The following JHY variants were observed in gnomAD, a reference collection of about 807,000 sequenced individuals.
The protein encoded by JHY is jhy protein homolog.
Under a neutral mutation model 78.0 loss-of-function variants are expected in JHY, and 69 were observed. The ratio of observed to expected loss-of-function variants is 0.88; its 90% CI spans 0.73 to 1.08. The LOEUF is 1.08. Among genes scored for constraint, JHY ranks in the 50% least tolerant of loss-of-function variants. JHY has a pLI of 0.00. For synonymous variants in JHY, 368 were observed against 342.6 expected, an observed-to-expected ratio of 1.07 and a Z score of -0.82; for missense variants, 944 against 927.8, an observed-to-expected ratio of 1.02 and a Z score of -0.23.
chr11:122,919,116 G>A (rs904563788), intron 3 of JHY, among the ~76,000 whole-genome samples: 1 of 151,838 alleles, frequency 6.6e-6, no homozygotes, highest in Non-Finnish European at 1.5e-5. Context: ...ACTTTGGAAG[G>A]CTCAGGTGGC....
chr11:122,956,651 C>A, intron 7 of JHY, 75 bp downstream of exon 7: 2 of 1,243,702 alleles, frequency 1.6e-6, no homozygotes, highest in African/African-American at 1.5e-5. Context: ...TATGAAGACG[C>A]CCCCCAGAAT....
At chr11:122,946,943 C>T in intron 6 of JHY, 151 bp downstream of exon 6, 1 of 816,440 alleles carries the variant, frequency 1.2e-6, no homozygotes, top group Non-Finnish European at 1.8e-6. Context: ...CTTACTCCTG[C>T]CCCTGCTACT....
At chr11:122,895,274 T>C (rs973044570) in intron 2 of JHY, among the ~76,000 whole-genome samples, 4 of 152,236 alleles carry the variant, frequency 2.6e-5, no homozygotes, top group South Asian at 4.2e-4. Context: ...AAATCAATAA[T>C]AACATGTGCA....
At chr11:122,959,112 C>A in intron 8 of JHY, 136 bp from the exon 9 acceptor site, 2 of 1,372,116 alleles carry the variant, frequency 1.5e-6, no homozygotes, top group Non-Finnish European at 1.9e-6. Context: ...ATTGTTTGAT[C>A]TCCATTTCCA....
In JHY at chr11:122,916,549, A is replaced by G. The variant is rs77786044; in HGVS notation, c.865-8348A>G. Among the ~76,000 whole-genome samples, 370 of 152,334 alleles carry G rather than the reference A, an allele frequency of 2.4e-3. 1 individual carries two copies. The highest frequency in any genetic ancestry group is 8.5e-3 in the African/African-American group (353 of 41,576). ...TTTGCAGTTTTGATTTCTTGATAGC[A>G]AAGTACAAACTTAAAAAACCTTAAG... On this transcript the variant is annotated intron_variant, in intron 3 of 8. Coordinates refer to ENST00000227349, the MANE Select transcript of JHY (RefSeq NM_024806.4).
chr11:122,908,938 A>G (rs1030466704), intron 3 of JHY, among the ~76,000 whole-genome samples: 1 of 152,208 alleles, frequency 6.6e-6, no homozygotes, highest in Non-Finnish European at 1.5e-5. Flanking sequence ...TCCAAGGAAG[A>G]ATACACAAAA....
intron 2 of JHY, among the ~76,000 whole-genome samples, chr11:122,887,764 G>A (rs1249891164): frequency 3.9e-5 from 6 of 152,116 alleles, no homozygotes; most frequent in Non-Finnish European, 7.4e-5. Context: ...ACATTAGGGA[G>A]CCCAGCTGGA....
intron 4 of JHY, among the ~76,000 whole-genome samples, chr11:122,929,076 T>C (rs1222879954): frequency 6.6e-6 from 1 of 151,768 alleles, no homozygotes; most frequent in Non-Finnish European, 1.5e-5. Flanking sequence ...TACAGGCATG[T>C]GCCACCACGC....
In JHY at chr11:122,935,131, A is replaced by T. The variant is rs771611018; in HGVS notation, c.1634+56A>T. ...TAGAGGAGAAAGGAGAGACTGCTGC[A>T]GAAAGACGGGAGAGGAAGAAGGGGA... On this transcript the variant is annotated intron_variant, in intron 5 of 8. Coordinates refer to ENST00000227349, the MANE Select transcript of JHY (RefSeq NM_024806.4). The surrounding 1 kb of genome is among the most constrained non-coding windows in gnomAD (Gnocchi z 4.5). 6.9e-7 allele frequency: 1 copy of T among 1,442,492 alleles called. No individual in the cohort carries two copies. Among genetic ancestry groups the T allele is most frequent in the South Asian group, 1.5e-5 (1 of 68,602 alleles). The allele number at this position is 1,442,492 out of a possible 1,614,324, so 89.4% of individuals were successfully genotyped here. A position where few individuals can be genotyped will look rare whatever the true frequency, so the allele number is the denominator to read the frequency against.
chr11:122,913,405 A>G (rs999101228), intron 3 of JHY, among the ~76,000 whole-genome samples: 6 of 152,198 alleles, frequency 3.9e-5, no homozygotes, highest in Non-Finnish European at 1.5e-5. Context: ...AACATTGCTT[A>G]ATGTGACGCC....
intron 4 of JHY, among the ~76,000 whole-genome samples, chr11:122,932,257 A>G (rs1286711740): frequency 2.6e-5 from 4 of 152,170 alleles, no homozygotes; most frequent in Non-Finnish European, 5.9e-5. Flanking sequence ...TCAAGCCCAT[A>G]AATGGCTTCC....
rs1347749900 is a variant in JHY at position 122,917,926 on chromosome 11, A to C, written c.865-6971A>C. 6.6e-6 allele frequency among the ~76,000 whole-genome samples: 1 copy of C among 151,828 alleles called. No individual in the cohort carries two copies. Among genetic ancestry groups the C allele is most frequent in the Non-Finnish European group, 1.5e-5 (1 of 68,034 alleles). ...ACTTATTTATTTATTTTGGAGACAC[A>C]GTCTCACTCTGTCACCCAGGTTGGA... On this transcript the variant is annotated intron_variant, in intron 3 of 8. Coordinates refer to ENST00000227349, the MANE Select transcript of JHY (RefSeq NM_024806.4). The surrounding 1 kb of genome is among the most constrained non-coding windows in gnomAD (Gnocchi z 4.1).
intron 3 of JHY, among the ~76,000 whole-genome samples, chr11:122,916,911 G>A (rs1002786882): frequency 1.3e-5 from 2 of 152,234 alleles, no homozygotes; most frequent in Admixed American, 6.5e-5. Context: ...ATACAGGCAT[G>A]AGCTACTGCA....
chr11:122,918,293 C>T (rs1054253578), intron 3 of JHY, among the ~76,000 whole-genome samples: 1 of 151,406 alleles, frequency 6.6e-6, no homozygotes, highest in African/African-American at 2.5e-5. Flanking sequence ...AAATCCCAGG[C>T]CTCCTGAGGA....
In JHY at chr11:122,924,908, C is replaced by G; in HGVS notation, c.876C>G (p.Pro292=). The change falls in exon 4 of 9, where the codon CCC becomes CCG. Residue 292 remains proline, a synonymous_variant. Coordinates refer to ENST00000227349, the MANE Select transcript of JHY (RefSeq NM_024806.4). The part of the protein sequence containing the change: ...GESHPEQISY[P]VRVTDKTSIQ... ...TTTTACCTACCTAGATCTCCTACCC[C>G]GTCAGAGTAACAGACAAGACGTCTA... 2 of 1,613,090 alleles carry G rather than the reference C, an allele frequency of 1.2e-6. No homozygotes were observed. The highest frequency in any genetic ancestry group is 1.7e-6 in the Non-Finnish European group (2 of 1,179,220).
chr11:122,921,338 A>G (rs1256004060), intron 3 of JHY, among the ~76,000 whole-genome samples: 2 of 152,258 alleles, frequency 1.3e-5, no homozygotes, highest in Non-Finnish European at 2.9e-5. Context: ...TATTTCTTAG[A>G]CACTTACAAA....
chr11:122,934,504 C>T lies in JHY; in HGVS notation c.1063C>T (p.His355Tyr), dbSNP rs1565328451. 1 of 1,613,800 alleles carries T rather than the reference C, an allele frequency of 6.2e-7. No homozygotes were observed. The highest frequency in any genetic ancestry group is 2.2e-5 in the East Asian group (1 of 44,840). The change falls in exon 5 of 9, where the codon CAT becomes TAT. Residue 355 changes from histidine to tyrosine, a missense_variant. Coordinates refer to ENST00000227349, the MANE Select transcript of JHY (RefSeq NM_024806.4). ...GCAACCTTCTGACATGGTGAATGAC[C>T]ATCAACCTTCCAGAAGACCAGCCAA... The part of the protein sequence containing the change: ...RGQPSDMVND[H>Y]QPSRRPAKLK...
chr11:122,908,000 G>A (rs1414235135), intron 3 of JHY, among the ~76,000 whole-genome samples: 3 of 151,862 alleles, frequency 2.0e-5, no homozygotes, highest in Admixed American at 6.6e-5. Flanking sequence ...ATAGAGCAGT[G>A]GTTCTCAGCC....
At chr11:122,890,217 C>T (rs61910305) in intron 2 of JHY, among the ~76,000 whole-genome samples, 4,332 of 152,204 alleles carry the variant, frequency 0.028, 97 homozygotes, top group Non-Finnish European at 0.046. Context: ...GAATGCTTAT[C>T]ATGAGCCCAT....
Sources: gnomAD v4.1 joint callset for allele counts (sites outside exome capture counted in the v4.1 genomes callset) on GRCh38, gnomAD v4.1.1 for gene constraint, Gnocchi (gnomAD v3.1) non-coding constraint, MANE v1.5 for transcripts, NCBI Gene and HGNC (gene_info 2026-07-23, HGNC 2026-07-21) for gene names.